TRAPPC8: variants seen among roughly 807,000 people sequenced by gnomAD.
TRAPPC8 encodes the protein trafficking protein particle complex subunit 8.
A neutral mutation model predicts 174.3 loss-of-function variants in TRAPPC8; 54 were observed. That is an observed-to-expected ratio of 0.31 (90% CI 0.25 to 0.39). The LOEUF (loss-of-function observed/expected upper bound fraction) is 0.39, where lower values mean the gene tolerates loss of function less well. Ranked by LOEUF, TRAPPC8 falls within the 10% of genes least tolerant of loss-of-function variation. The pLI, the probability that TRAPPC8 is intolerant of heterozygous loss-of-function variation, is 1.00. For synonymous variants in TRAPPC8, 630 were observed against 579.9 expected (o/e 1.09, Z -1.24); for missense variants, 1,531 against 1,699.1 (o/e 0.90, Z 1.74).
At chr18:31,909,213 G>C (rs2036802806) in intron 6 of TRAPPC8, among the ~76,000 whole-genome samples, 1 of 151,944 alleles carries the variant, frequency 6.6e-6, no homozygotes, top group Non-Finnish European at 1.5e-5. Context: ...TTTGGTACCT[G>C]TATTAGTAAT....
chr18:31,896,606 A>C (rs2036194300), intron 11 of TRAPPC8, among the ~76,000 whole-genome samples: 1 of 152,168 alleles, frequency 6.6e-6, no homozygotes, highest in Non-Finnish European at 1.5e-5. Flanking sequence ...CCTTGGAAAC[A>C]CGCAAGTAGA....
chr18:31,916,233 T>A, intron 4 of TRAPPC8, 39 bp downstream of exon 4: 6 of 1,401,274 alleles, frequency 4.3e-6, no homozygotes, highest in Non-Finnish European at 5.6e-6. Context: ...TGTTAAATCA[T>A]TTAACTGGAA....
At position 31,881,245 on chromosome 18, in the gene TRAPPC8, A is replaced by G. The variant is rs116967213; in HGVS notation, c.1729-6541T>C. Among the ~76,000 whole-genome samples the G allele has an allele frequency of 9.8e-4, 150 of 152,314 alleles. 3 individuals are homozygous for G. In the East Asian group the frequency reaches 0.023, roughly 23 times the overall value. ...ACATTCCCCAACTTCAAACTACACT[A>G]CAAGGCTATAGTAACCAAAACAGCA... On this transcript the variant is annotated intron_variant, in intron 12 of 28. Coordinates refer to ENST00000283351, the MANE Select transcript of TRAPPC8 (RefSeq NM_014939.5).
intron 10 of TRAPPC8, among the ~76,000 whole-genome samples, chr18:31,899,058 AC>A (rs2145416040): frequency 6.6e-6 from 1 of 152,194 alleles, no homozygotes; most frequent in African/African-American, 2.4e-5. Context: ...TACAAATCAC[AC>A]CTTTTCTTGG....
At chr18:31,928,456 A>C (rs1424930590) in intron 2 of TRAPPC8, among the ~76,000 whole-genome samples, 1 of 152,128 alleles carries the variant, frequency 6.6e-6, no homozygotes, top group Non-Finnish European at 1.5e-5. Flanking sequence ...CAAGAGTTCA[A>C]GGTTACAGTG....
At chr18:31,927,444 A>G (rs2037664372) in intron 2 of TRAPPC8, among the ~76,000 whole-genome samples, 1 of 152,066 alleles carries the variant, frequency 6.6e-6, no homozygotes, top group Admixed American at 6.6e-5. Context: ...TTTAGTAGAG[A>G]CAGGGTTTCA....
intron 21 of TRAPPC8, among the ~76,000 whole-genome samples, chr18:31,854,965 C>CAAAAAAAA (rs71175798): frequency 2.2e-5 from 1 of 45,640 alleles, no homozygotes; most frequent in African/African-American, 9.6e-5. Context: ...GACTCCATCT[C>CAAAAAAAA]AAAAAAAAAA....
At chr18:31,899,334 A>G (rs1358019445) in intron 10 of TRAPPC8, among the ~76,000 whole-genome samples, 1 of 152,236 alleles carries the variant, frequency 6.6e-6, no homozygotes, top group African/African-American at 2.4e-5. Context: ...GTTTGTTATT[A>G]AGACTAAATG....
intron 21 of TRAPPC8, among the ~76,000 whole-genome samples, chr18:31,854,541 C>T (rs2033889975): frequency 1.3e-5 from 2 of 152,052 alleles, no homozygotes; most frequent in Non-Finnish European, 2.9e-5. Flanking sequence ...AAGCAGACAC[C>T]TTACAAATTT....
chr18:31,943,064 T>A lies in TRAPPC8; in HGVS notation c.-300A>T. ...ACTTAGTCCTTCGGACGGCAAAACC[T>A]TGGTCACTGCCCGGCCGGAACCGCC... On this transcript the variant is annotated 5_prime_UTR_variant, in exon 1 of 29. The change creates a new upstream start codon in the 5' untranslated region. Coordinates refer to ENST00000283351, the MANE Select transcript of TRAPPC8 (RefSeq NM_014939.5). 2.1e-6 allele frequency: 1 copy of A among 473,332 alleles called. No individual in the cohort carries two copies. Among genetic ancestry groups the A allele is most frequent in the Non-Finnish European group, 3.4e-6 (1 of 293,204 alleles). The allele number at this position is 473,332 out of a possible 1,614,324, so 29.3% of individuals were successfully genotyped here. A position where few individuals can be genotyped will look rare whatever the true frequency, so the allele number is the denominator to read the frequency against.
chr18:31,909,849 G>T, intron 5 of TRAPPC8, 89 bp from the exon 6 acceptor site: 1 of 864,402 alleles, frequency 1.2e-6, no homozygotes, highest in Non-Finnish European at 1.7e-6. Flanking sequence ...TGGTTACTCT[G>T]CTAACTGTTG....
chr18:31,859,742 G>A (rs560685389), intron 19 of TRAPPC8, among the ~76,000 whole-genome samples: 27 of 152,296 alleles, frequency 1.8e-4, no homozygotes, highest in African/African-American at 5.3e-4. Flanking sequence ...AGAAGAACAA[G>A]GCCAGGCACA....
chr18:31,921,707 A>G (rs1023160211), intron 2 of TRAPPC8, among the ~76,000 whole-genome samples: 3 of 152,144 alleles, frequency 2.0e-5, no homozygotes, highest in African/African-American at 7.2e-5. Flanking sequence ...GCTTTCTGCA[A>G]TGTATAATGT....
At chr18:31,887,841 T>G (rs1354061497) in intron 12 of TRAPPC8, among the ~76,000 whole-genome samples, 1 of 152,034 alleles carries the variant, frequency 6.6e-6, no homozygotes, top group Admixed American at 6.6e-5. Context: ...TATTGGACGT[T>G]CTGGCCAGGG....
At chr18:31,923,531 A>C (rs1024932049) in intron 2 of TRAPPC8, among the ~76,000 whole-genome samples, 9 of 152,238 alleles carry the variant, frequency 5.9e-5, no homozygotes, top group African/African-American at 2.2e-4. Flanking sequence ...ACTCACATTA[A>C]TGGTGAAAAT....
chr18:31,886,758 G>A (rs1190363336), intron 12 of TRAPPC8, among the ~76,000 whole-genome samples: 4 of 152,276 alleles, frequency 2.6e-5, no homozygotes, highest in South Asian at 2.1e-4. Flanking sequence ...TGAGGCGAGC[G>A]GATCACGAGG....
intron 12 of TRAPPC8, among the ~76,000 whole-genome samples, chr18:31,876,489 CAAAAAA>C (rs71175801): frequency 0.14 from 6,710 of 48,698 alleles, 379 homozygotes; most frequent in Middle Eastern, 0.32. Context: ...GACTCCATCT[CAAAAAA>C]AAAAAAAAAA....
intron 1 of TRAPPC8, among the ~76,000 whole-genome samples, chr18:31,935,972 C>T (rs2038080449): frequency 6.6e-6 from 1 of 151,484 alleles, no homozygotes; most frequent in African/African-American, 2.4e-5. Flanking sequence ...CTCTTGACCT[C>T]ATGATCCACC....
In TRAPPC8 at chr18:31,829,221, T is replaced by G. The variant is rs780620752; in HGVS notation, c.*1534A>C. ...ATTTTGAGTGCTTTATTACCTTTAT[T>G]TTTAATATATTCAGTTGTAGGTTTA... On this transcript the variant is annotated 3_prime_UTR_variant, in exon 29 of 29. Coordinates refer to ENST00000283351, the MANE Select transcript of TRAPPC8 (RefSeq NM_014939.5). The G allele has an allele frequency of 2.6e-5, 4 of 152,202 alleles. No individual in the cohort carries two copies. Among genetic ancestry groups the G allele is most frequent in the Admixed American group, 6.5e-5 (1 of 15,284 alleles). 9.4% of individuals were successfully genotyped at this position (152,202 alleles called of 1,614,324 possible). A position where few individuals can be genotyped will look rare whatever the true frequency, so the allele number is the denominator to read the frequency against.
Sources: allele counts gnomAD v4.1 joint callset (sites outside exome capture counted in the v4.1 genomes callset), GRCh38; gene constraint gnomAD v4.1.1; transcripts MANE v1.5; gene names NCBI Gene and HGNC (gene_info 2026-07-23, HGNC 2026-07-21).